DNAH1: variants seen among roughly 807,000 people sequenced by gnomAD.
The protein encoded by DNAH1 is dynein axonemal heavy chain 1, also known as axonemal beta dynein heavy chain 1.
Under a neutral mutation model 484.3 loss-of-function variants are expected in DNAH1, and 327 were observed. The ratio of observed to expected loss-of-function variants is 0.68; its 90% CI spans 0.62 to 0.74. The LOEUF is 0.74. DNAH1 is among the 30% of genes least tolerant of loss of function. DNAH1 has a pLI of 0.00. For missense variants in DNAH1, 5,052 were observed against 5,546.8 expected, an observed-to-expected ratio of 0.91 and a Z score of 2.83; for synonymous variants, 2,192 against 2,191.9, an observed-to-expected ratio of 1.00 and a Z score of 0.00.
At position 52,358,749 on chromosome 3, in the gene DNAH1, G is replaced by A. The variant is rs745967390; in HGVS notation, c.4266+12G>A. 12 of 1,610,520 alleles carry A rather than the reference G, an allele frequency of 7.5e-6. No homozygotes were observed. The highest frequency in any genetic ancestry group is 4.5e-5 in the East Asian group (2 of 44,734). On this transcript the variant is annotated intron_variant, in intron 25 of 77. Coordinates refer to ENST00000420323, the MANE Select transcript of DNAH1 (RefSeq NM_015512.5). This position sits in a 1 kb window ranked among gnomAD's most constrained non-coding sequence, Gnocchi z 4.2. ...GGGCCTACCCCACGGTGAGCCGCCC[G>A]CAGCCCGTGCAGCCTTCCACCCCTG...
At chr3:52,347,030 G>C (rs558403311) in intron 11 of DNAH1, among the ~76,000 whole-genome samples, 5 of 150,110 alleles carry the variant, frequency 3.3e-5, no homozygotes, top group African/African-American at 1.2e-4. Flanking sequence ...AACCAGGCAT[G>C]GTTCTAGGGG....
At position 52,381,839 on chromosome 3, in the gene DNAH1, G is replaced by C; in HGVS notation, c.7805+3G>C. ...CTCACAAGGCTCGCCTCGCACATGT[G>C]AGCGCCTCCAGGGCGTGCTGGGCAG... On this transcript the variant is annotated splice_donor_region_variant and intron_variant, in intron 49 of 77. Coordinates refer to ENST00000420323, the MANE Select transcript of DNAH1 (RefSeq NM_015512.5). This position sits in a 1 kb window ranked among gnomAD's most constrained non-coding sequence, Gnocchi z 4.1. 6.3e-7 allele frequency: 1 copy of C among 1,580,748 alleles called. No individual in the cohort carries two copies. The highest frequency in any genetic ancestry group is 8.6e-7 in the Non-Finnish European group (1 of 1,163,634).
chr3:52,376,538 G>A (rs985156372), intron 46 of DNAH1, among the ~76,000 whole-genome samples: 3 of 152,152 alleles, frequency 2.0e-5, no homozygotes, highest in Non-Finnish European at 4.4e-5. Flanking sequence ...GCTGGGAACG[G>A]ACTGCTGCTC....
intron 44 of DNAH1, chr3:52,373,617 A>G (rs1207182579): frequency 2.1e-6 from 3 of 1,449,632 alleles, no homozygotes; most frequent in African/African-American, 1.4e-5. Flanking sequence ...TAGCGCAAGC[A>G]GTAATAGAGA....
At position 52,332,253 on chromosome 3, in the gene DNAH1, G is replaced by A. The variant is rs377099238; in HGVS notation, c.1145G>A (p.Arg382His). 7.3e-5 allele frequency: 118 copies of A among 1,613,896 alleles called. 1 individual carries two copies. The highest frequency in any genetic ancestry group is 1.7e-4 in the Admixed American group (10 of 59,994). ...AQRVVQANAL[R>H]KNTEALLLYN... The stretch of plus-strand genomic sequence containing the variant: ...CGTGTGGTCCAGGCCAACGCCCTGC[G>A]CAAGAACACGGAAGCACTGCTGCTC... The change falls in exon 8 of 78, where the codon CGC becomes CAC. Residue 382 changes from arginine (R) to histidine (H), a missense_variant. Physicochemically the swap from Arg to His is conservative, Grantham distance 29. Transcript: ENST00000420323.
intron 8 of DNAH1, among the ~76,000 whole-genome samples, chr3:52,339,172 C>A (rs562012634): frequency 2.6e-5 from 4 of 152,002 alleles, no homozygotes; most frequent in Non-Finnish European, 5.9e-5. Flanking sequence ...TGCTGCTTTG[C>A]GTATCTTTTA....
chr3:52,355,387 C>T lies in DNAH1; in HGVS notation c.3693+332C>T, dbSNP rs979804423. On this transcript the variant is annotated intron_variant, in intron 21 of 77. Coordinates refer to ENST00000420323, the MANE Select transcript of DNAH1 (RefSeq NM_015512.5). The surrounding 1 kb of genome is among the most constrained non-coding windows in gnomAD (Gnocchi z 4.5). ...CTGAGCTTGGGACAACCAGGTCCTC[C>T]AGTACTGACACTTTCTGGGCCGGAT... Among the ~76,000 whole-genome samples, 2 of 152,210 alleles carry T rather than the reference C, an allele frequency of 1.3e-5. No homozygotes were observed. The highest frequency in any genetic ancestry group is 4.8e-5 in the African/African-American group (2 of 41,456).
At chr3:52,356,064 G>A (rs1702596753) in intron 21 of DNAH1, among the ~76,000 whole-genome samples, 1 of 152,252 alleles carries the variant, frequency 6.6e-6, no homozygotes, top group Non-Finnish European at 1.5e-5. Context: ...AAATGGATGA[G>A]TGCGTGAGTT....
chr3:52,398,858 G>T lies in DNAH1; in HGVS notation c.12098G>T (p.Arg4033Leu). 1 of 1,542,470 alleles carries T rather than the reference G, an allele frequency of 6.5e-7. No homozygotes were observed. Reference protein sequence around the residue: ...VLVQEVIRYNRLLQVITQTLQ... With the variant: ...VLVQEVIRYNLLLQVITQTLQ... Reference sequence around the variant, plus strand: ...TGCCACTGGCCTCACAGGTACAATCGGCTGCTGCAGGTGATCACACAGACA... The same window carrying T: ...TGCCACTGGCCTCACAGGTACAATCTGCTGCTGCAGGTGATCACACAGACA... The change falls in exon 76 of 78, where the codon CGG (arginine) becomes CTG (leucine). Residue 4033 changes from arginine to leucine, a missense_variant. Arg to Leu is a moderately radical substitution (Grantham distance 102, BLOSUM62 -2). Around this residue, in one of 4 missense-constraint regions of DNAH1, gnomAD observed 853 missense variants for 899.0 expected, o/e 0.95. Transcript: ENST00000420323.
At chr3:52,384,483 G>A (rs1032542882) in intron 52 of DNAH1, among the ~76,000 whole-genome samples, 1 of 152,194 alleles carries the variant, frequency 6.6e-6, no homozygotes, top group African/African-American at 2.4e-5. Flanking sequence ...GGTCATGGGG[G>A]CTGTGAAAAG....
chr3:52,381,360 G>A lies in DNAH1; in HGVS notation c.7609-280G>A, dbSNP rs974793178. Among the ~76,000 whole-genome samples the A allele has an allele frequency of 3.9e-5, 6 of 152,280 alleles. No homozygotes were observed. The South Asian group carries it at 6.2e-4, about 16-fold the overall frequency. ...ACTCCTGGGCTCAAGTGATCCTCCCGCCTTGGCTTCCCACAGTGCTGGGAT... is the reference window on the plus strand; with the variant it reads ...ACTCCTGGGCTCAAGTGATCCTCCCACCTTGGCTTCCCACAGTGCTGGGAT... On this transcript the variant is annotated intron_variant, in intron 48 of 77. Coordinates refer to ENST00000420323, the MANE Select transcript of DNAH1 (RefSeq NM_015512.5). This position sits in a 1 kb window ranked among gnomAD's most constrained non-coding sequence, Gnocchi z 4.1.
In DNAH1 at chr3:52,395,020, T is replaced by C. The variant is rs752622163; in HGVS notation, c.10929T>C (p.Phe3643=). The C allele has an allele frequency of 1.9e-6, 3 of 1,611,416 alleles. No homozygotes were observed. The highest frequency in any genetic ancestry group is 2.5e-6 in the Non-Finnish European group (3 of 1,178,852). ...GDKVTNAMQD[F]VATNLEPRFI... is the part of the protein sequence containing the mutation. The stretch of plus-strand genomic sequence containing the variant: ...AGGTTACCAACGCCATGCAGGACTT[T>C]GTGGCCACCAACCTGGAGCCACGCT... Residue 3643 remains phenylalanine, a synonymous_variant, in exon 68 of 78, where the codon TTT becomes TTC. Transcript: ENST00000420323. This position sits in a 1 kb window ranked among gnomAD's most constrained non-coding sequence, Gnocchi z 4.4.
At position 52,383,970 on chromosome 3, in the gene DNAH1, C is replaced by G. The variant is rs754181425; in HGVS notation, c.8261C>G (p.Ala2754Gly). The change falls in exon 52 of 78, where the codon GCC becomes GGC. Residue 2754 changes from alanine to glycine, a missense_variant. By Grantham distance (60) the Ala-to-Gly change is moderately conservative. This residue lies in a region of DNAH1 where 2,929 missense variants were observed against 3,409.4 expected (regional missense o/e 0.86). Transcript: ENST00000420323. ...CCGGCAGAAGCCCTGAAGTCTGTGG[C>G]CACCGTGTTCCTCAATGAGATCCCA... ...EWPAEALKSV[A>G]TVFLNEIPEL... 3.1e-6 allele frequency: 5 copies of G among 1,611,558 alleles called. No individual in the cohort carries two copies. Among genetic ancestry groups the G allele is most frequent in the Non-Finnish European group, 4.2e-6 (5 of 1,178,776 alleles).
chr3:52,366,943 G>C, intron 36 of DNAH1, 56 bp downstream of exon 36: 1 of 1,554,114 alleles, frequency 6.4e-7, no homozygotes, highest in Non-Finnish European at 8.7e-7. Flanking sequence ...TCTGGAGGCT[G>C]TGGGCTGCGG....
At chr3:52,378,844 C>T (rs1703719124) in intron 47 of DNAH1, 64 bp downstream of exon 47, 1 of 1,589,802 alleles carries the variant, frequency 6.3e-7, no homozygotes, top group Non-Finnish European at 8.6e-7. Flanking sequence ...CCCAGCCCCA[C>T]CAATTTCAGG....
Position 52,399,674 on chromosome 3 carries a change from C to CT in DNAH1, c.12572dup (p.Tyr4192ValfsTer?). On this transcript the variant is annotated frameshift_variant, in exon 77 of 78. Coordinates refer to ENST00000420323, the MANE Select transcript of DNAH1 (RefSeq NM_015512.5). LOFTEE classifies it high-confidence loss of function. ...GCTGGCTGAGTCTCAGCCCAAGGAG[C>CT]TGTACACAGAGATGGCCGTTATCTG... 1 of 1,614,030 alleles carries CT rather than the reference C, an allele frequency of 6.2e-7. No homozygotes were observed. Among genetic ancestry groups the CT allele is most frequent in the Non-Finnish European group, 8.5e-7 (1 of 1,179,896 alleles).
intron 36 of DNAH1, among the ~76,000 whole-genome samples, chr3:52,367,713 A>G (rs972002191): frequency 2.0e-5 from 3 of 151,994 alleles, no homozygotes; most frequent in Admixed American, 2.0e-4. Flanking sequence ...AGCTGGGATT[A>G]CAGGCATGTG....
intron 17 of DNAH1, 41 bp from the exon 18 acceptor site, chr3:52,352,511 G>A: frequency 6.3e-7 from 1 of 1,588,284 alleles, no homozygotes; most frequent in Non-Finnish European, 8.6e-7. Flanking sequence ...GACACAAGTG[G>A]GGCTGCAGGG....
At chr3:52,348,842 C>A in intron 12 of DNAH1, 46 bp from the exon 13 acceptor site, 2 of 1,591,604 alleles carry the variant, frequency 1.3e-6, no homozygotes, top group East Asian at 2.2e-5. Context: ...CTCATTCACC[C>A]CCTGGCTCAT....
Sources: gnomAD v4.1 joint callset for allele counts (sites outside exome capture counted in the v4.1 genomes callset) on GRCh38, gnomAD v4.1.1 for gene constraint, gnomAD v4.1.1 regional missense constraint, Gnocchi (gnomAD v3.1) non-coding constraint, MANE v1.5 for transcripts, NCBI Gene and HGNC (gene_info 2026-07-23, HGNC 2026-07-21) for gene names.